The following SHANK2 variants were observed in gnomAD, a reference collection of about 807,000 sequenced individuals.
SHANK2 encodes the protein SH3 and multiple ankyrin repeat domains 2, also known as SH3 and multiple ankyrin repeat domains protein 2.
SHANK2 carries 43 observed loss-of-function variants against 133.7 expected under a neutral mutation model. The ratio of observed to expected loss-of-function variants is 0.32; its 90% CI spans 0.25 to 0.41. SHANK2 has a LOEUF of 0.41. Among genes scored for constraint, SHANK2 ranks in the 10% least tolerant of loss-of-function variants. SHANK2 has a pLI of 1.00. For missense variants in SHANK2, 1,994 were observed against 2,235.8 expected (o/e 0.89, Z 2.18); for synonymous variants, 1,017 against 952.8 (o/e 1.07, Z -1.24).
rs907834477 is a variant in SHANK2 at position 70,500,807 on chromosome 11, G to T, written c.2288-217C>A. On this transcript the variant is annotated intron_variant, in intron 20 of 25. Coordinates refer to ENST00000601538, the MANE Select transcript of SHANK2 (RefSeq NM_012309.5). This position sits in a 1 kb window ranked among gnomAD's most constrained non-coding sequence, Gnocchi z 4.5. ...CTGCCCGCACAACTCTGTCCTGTCT[G>T]CCCTGCTCGTTAACCTACTGCCTGG... 2 of 728,172 alleles carry T rather than the reference G, an allele frequency of 2.7e-6. No homozygotes were observed. Among genetic ancestry groups the T allele is most frequent in the African/African-American group, 1.7e-5 (1 of 57,522 alleles). 45.1% of individuals were successfully genotyped at this position (728,172 alleles called of 1,614,324 possible). A position where few individuals can be genotyped will look rare whatever the true frequency, so the allele number is the denominator to read the frequency against.
chr11:70,945,565 G>A (rs998728286), intron 10 of SHANK2, among the ~76,000 whole-genome samples: 1 of 152,184 alleles, frequency 6.6e-6, no homozygotes, highest in African/African-American at 2.4e-5. Flanking sequence ...ACACAACGGA[G>A]CCCAGGGTTG....
At chr11:70,575,821 C>T (rs1261983509) in intron 17 of SHANK2, among the ~76,000 whole-genome samples, 1 of 151,640 alleles carries the variant, frequency 6.6e-6, no homozygotes. Context: ...ACTTGGGGGG[C>T]GTGGGCTGGA....
At chr11:70,694,293 A>G (rs1298075654) in intron 15 of SHANK2, among the ~76,000 whole-genome samples, 2 of 152,222 alleles carry the variant, frequency 1.3e-5, no homozygotes, top group Non-Finnish European at 2.9e-5. Flanking sequence ...CAGGGAGGGA[A>G]TTGGCTGGAA....
chr11:71,158,045 G>A (rs1354854445), intron 2 of SHANK2, among the ~76,000 whole-genome samples: 1 of 152,078 alleles, frequency 6.6e-6, no homozygotes, highest in Non-Finnish European at 1.5e-5. Context: ...TGGAAAACTG[G>A]GAATAGAAGA....
intron 14 of SHANK2, among the ~76,000 whole-genome samples, chr11:70,711,197 T>C (rs1337769683): frequency 2.6e-5 from 4 of 152,224 alleles, no homozygotes; most frequent in African/African-American, 9.6e-5. Flanking sequence ...TTGTGATTGC[T>C]GAGCTCCTGC....
chr11:70,826,826 C>T, intron 11 of SHANK2: 1 of 237,816 alleles, frequency 4.2e-6, no homozygotes, highest in East Asian at 1.0e-4. Context: ...GAGGAAGAGG[C>T]ACCGCGGAGG....
At chr11:70,498,684 AC>A (rs2135800876) in intron 21 of SHANK2, among the ~76,000 whole-genome samples, 1 of 152,238 alleles carries the variant, frequency 6.6e-6, no homozygotes, top group African/African-American at 2.4e-5. Context: ...GCGGGGACAG[AC>A]CCGGGATTTG....
intron 2 of SHANK2, among the ~76,000 whole-genome samples, chr11:71,164,511 A>G (rs1207769472): frequency 2.6e-5 from 4 of 152,138 alleles, no homozygotes; most frequent in Non-Finnish European, 5.9e-5. Context: ...GACACCTCCA[A>G]TTCACAATGG....
chr11:70,564,784 G>C (rs1554981549), intron 17 of SHANK2, among the ~76,000 whole-genome samples: 2 of 152,036 alleles, frequency 1.3e-5, no homozygotes, highest in African/African-American at 4.8e-5. Flanking sequence ...CTCATCCTGT[G>C]TATCCGTCAT....
intron 2 of SHANK2, among the ~76,000 whole-genome samples, chr11:71,161,954 C>A (rs1464240353): frequency 2.0e-5 from 3 of 152,190 alleles, no homozygotes; most frequent in Admixed American, 6.5e-5. Context: ...ACAGGCAGGG[C>A]AGCATCCTCA....
rs781986249 is a variant in SHANK2, at chr11:70,502,213, C to T, written c.2271G>A (p.Glu757=). The change falls in exon 19 of 26, where the codon GAG becomes GAA. Residue 757 remains glutamate, a synonymous_variant. Transcript: ENST00000601538. ...GCCGGGTGTGCGACTTACCGAGCTCCTCCAGCTCCGAGGTCATGGACTTGG... is the reference window on the plus strand; with the variant it reads ...GCCGGGTGTGCGACTTACCGAGCTCTTCCAGCTCCGAGGTCATGGACTTGG... ...LRSKSMTSEL[E]ELVDKASVRK... is the part of the protein sequence containing the mutation. 9.0e-6 allele frequency: 14 copies of T among 1,556,586 alleles called. No homozygotes were observed. The highest frequency in any genetic ancestry group is 1.4e-5 in the African/African-American group (1 of 73,884).
At chr11:71,223,420 T>C (rs1380882609) in intron 2 of SHANK2, among the ~76,000 whole-genome samples, 3 of 152,242 alleles carry the variant, frequency 2.0e-5, no homozygotes, top group African/African-American at 7.2e-5. Flanking sequence ...TTTAGTTGCA[T>C]CTGTACCGAA....
intron 9 of SHANK2, among the ~76,000 whole-genome samples, chr11:71,059,917 G>T (rs1950967708): frequency 6.6e-6 from 1 of 152,170 alleles, no homozygotes. Context: ...AGAGTGGGGG[G>T]CTCTGGCCAC....
chr11:71,201,432 C>T (rs1954017987), intron 2 of SHANK2, among the ~76,000 whole-genome samples: 1 of 152,246 alleles, frequency 6.6e-6, no homozygotes. Context: ...AAAGGGTGAT[C>T]ACCACGCTGT....
chr11:70,679,676 G>A (rs1432377988), intron 15 of SHANK2, among the ~76,000 whole-genome samples: 2 of 152,244 alleles, frequency 1.3e-5, no homozygotes, highest in Non-Finnish European at 2.9e-5. Flanking sequence ...CATCTGTCGT[G>A]CTGACTATAC....
chr11:70,482,644 C>T (rs781891569), intron 25 of SHANK2, among the ~76,000 whole-genome samples: 8 of 152,192 alleles, frequency 5.3e-5, no homozygotes, highest in South Asian at 2.1e-4. Context: ...TAGTGCCTGG[C>T]GTTTGGTGAA....
chr11:70,720,506 A>C (rs1946052312), intron 14 of SHANK2, among the ~76,000 whole-genome samples: 1 of 152,236 alleles, frequency 6.6e-6, no homozygotes, highest in South Asian at 2.1e-4. Context: ...GGCCATGAGG[A>C]GAACCCATGA....
At position 70,631,862 on chromosome 11, in the gene SHANK2, C is replaced by T. The variant is rs1455219676; in HGVS notation, c.2061+27966G>A. The T allele has an allele frequency of 2.6e-5, 4 of 151,980 alleles. No homozygotes were observed. The East Asian group carries it at 5.8e-4, about 22-fold the overall frequency. The allele number at this position is 151,980 out of a possible 1,614,324, so 9.4% of individuals were successfully genotyped here. A position where few individuals can be genotyped will look rare whatever the true frequency, so the allele number is the denominator to read the frequency against. On this transcript the variant is annotated intron_variant, in intron 17 of 25. Transcript: ENST00000601538. ...CTGTGTAATTGGATCACGCCCGGCCCGTGCTGAGCGCCCATCTGCGCCCGT... is the reference window on the plus strand; with the variant it reads ...CTGTGTAATTGGATCACGCCCGGCCTGTGCTGAGCGCCCATCTGCGCCCGT...
At chr11:71,125,934 A>C (rs1183535159) in intron 3 of SHANK2, among the ~76,000 whole-genome samples, 1 of 152,124 alleles carries the variant, frequency 6.6e-6, no homozygotes, top group Admixed American at 6.6e-5. Context: ...ATGCTAAATC[A>C]ATCGGCCAGG....
Sources: gnomAD v4.1 joint callset for allele counts (sites outside exome capture counted in the v4.1 genomes callset) on GRCh38, gnomAD v4.1.1 for gene constraint, Gnocchi (gnomAD v3.1) non-coding constraint, MANE v1.5 for transcripts, NCBI Gene and HGNC (gene_info 2026-07-23, HGNC 2026-07-21) for gene names.